The following PACS2 variants were observed in gnomAD, a reference collection of about 807,000 sequenced individuals.
PACS2 encodes the protein PACS1-like protein.
In PACS2, 36 loss-of-function variants were observed where a neutral mutation model predicts 113.0. The ratio of observed to expected loss-of-function variants is 0.32; its 90% CI spans 0.24 to 0.42. PACS2 has a LOEUF of 0.42. Among genes scored for constraint, PACS2 ranks in the 10% least tolerant of loss-of-function variants. PACS2 has a pLI of 1.00. For missense variants in PACS2, 1,015 were observed against 1,239.5 expected, an observed-to-expected ratio of 0.82 and a Z score of 2.72; for synonymous variants, 589 against 536.1, an observed-to-expected ratio of 1.10 and a Z score of -1.36.
At chr14:105,347,898 C>T (rs2060002425) in intron 1 of PACS2, among the ~76,000 whole-genome samples, 1 of 152,026 alleles carries the variant, frequency 6.6e-6, no homozygotes, top group African/African-American at 2.4e-5. Context: ...GGTCTACACC[C>T]CTCCACTCCT....
Position 105,379,755 on chromosome 14 carries a change from C to T in PACS2, c.976C>T (p.Leu326=), listed in dbSNP as rs2080913616. The stretch of plus-strand genomic sequence containing the variant: ...CTGAGCCAGGCCATACTTTGAAGGC[C>T]TGTCGCACTCGAGCTCGCAGACGGA... The part of the protein sequence containing the change: ...KPKLRPYFEG[L]SHSSSQTEIG... The change falls in exon 10 of 25, where the codon CTG becomes TTG. Residue 326 remains leucine (L), a synonymous_variant. Transcript: ENST00000447393. The T allele has an allele frequency of 6.2e-7, 1 of 1,613,776 alleles. No individual in the cohort carries two copies. The highest frequency in any genetic ancestry group is 2.2e-5 in the East Asian group (1 of 44,876).
rs1188012423 is a variant in PACS2, at chr14:105,354,290, TG to T, written c.298-758del. Among the ~76,000 whole-genome samples the T allele has an allele frequency of 6.6e-6, 1 of 151,992 alleles. No individual in the cohort carries two copies. Among genetic ancestry groups the T allele is most frequent in the African/African-American group, 2.4e-5 (1 of 41,394 alleles). The stretch of plus-strand genomic sequence containing the variant: ...GCTAATTTTTGTATTTTTGTAGAGA[TG>T]GGGTTTTGCCATGTTGGCTAGGGTG... On this transcript the variant is annotated intron_variant, in intron 3 of 24. Coordinates refer to ENST00000447393, the MANE Select transcript of PACS2 (RefSeq NM_001100913.3). This position sits in a 1 kb window ranked among gnomAD's most constrained non-coding sequence, Gnocchi z 4.2.
chr14:105,351,176 G>C (rs1347654481), intron 2 of PACS2, among the ~76,000 whole-genome samples: 1 of 152,246 alleles, frequency 6.6e-6, no homozygotes, highest in Admixed American at 6.5e-5. Context: ...ACCCCGCAGC[G>C]GCTGCTTGTT....
chr14:105,393,440 C>T (rs587696649), intron 24 of PACS2, 105 bp downstream of exon 24: 28 of 671,594 alleles, frequency 4.2e-5, no homozygotes, highest in Admixed American at 2.3e-4. Flanking sequence ...CGCTGTGACA[C>T]GCACATTCCA....
Position 105,355,925 on chromosome 14 carries a change from G to C in PACS2, c.423+748G>C, listed in dbSNP as rs2060426421. On this transcript the variant is annotated intron_variant, in intron 4 of 24. Transcript: ENST00000447393. The surrounding 1 kb of genome is among the most constrained non-coding windows in gnomAD (Gnocchi z 4.1). The stretch of plus-strand genomic sequence containing the variant: ...AGACCAGTTTGTCTCTTTTGCTTCA[G>C]AACTTTCCCCATCGTGGGGTTGTGT... Among the ~76,000 whole-genome samples the C allele has an allele frequency of 6.6e-6, 1 of 152,202 alleles. No individual in the cohort carries two copies. The highest frequency in any genetic ancestry group is 2.4e-5 in the African/African-American group (1 of 41,454).
At chr14:105,393,085 C>T (rs1391366976) in intron 23 of PACS2, 137 bp from the exon 24 acceptor site, 10 of 743,102 alleles carry the variant, frequency 1.3e-5, no homozygotes, top group East Asian at 5.3e-5. Context: ...CCTCAGTCAC[C>T]GTGGAAGGCA....
upstream of PACS2, among the ~76,000 whole-genome samples, chr14:105,313,290 C>T (rs1199718905): frequency 6.6e-6 from 1 of 152,218 alleles, no homozygotes; most frequent in Non-Finnish European, 1.5e-5. Flanking sequence ...CCATCACAGA[C>T]AGCCTGTCCT....
intron 19 of PACS2, chr14:105,389,725 CCAGCATGT>C (rs1470958487): frequency 2.6e-5 from 15 of 579,406 alleles, no homozygotes; most frequent in African/African-American, 1.1e-4. Context: ...CTTTGTCCTT[CCAGCATGT>C]CAGCATGTCA....
chr14:105,338,118 C>T (rs1320096345), intron 1 of PACS2, among the ~76,000 whole-genome samples: 1 of 152,206 alleles, frequency 6.6e-6, no homozygotes, highest in Non-Finnish European at 1.5e-5. Context: ...CTGGCGCTGG[C>T]CCGGTTTCCT....
In PACS2 at chr14:105,330,641, C is replaced by T. The variant is rs920536582; in HGVS notation, c.119+15604C>T. 1.5e-4 allele frequency among the ~76,000 whole-genome samples: 23 copies of T among 152,244 alleles called. No homozygotes were observed. Among genetic ancestry groups the T allele is most frequent in the African/African-American group, 2.2e-4 (9 of 41,458 alleles). On this transcript the variant is annotated intron_variant, in intron 1 of 24. Transcript: ENST00000447393. This position sits in a 1 kb window ranked among gnomAD's most constrained non-coding sequence, Gnocchi z 6.9. ...GCATGACCCCTCGCCCCTGTCTCCA[C>T]GGAGCACCGTGGGACTCTGGCATCA...
Position 105,397,030 on chromosome 14 carries a change from C to T in PACS2, c.*2358C>T, listed in dbSNP as rs2081548610. 1 of 152,268 alleles carries T rather than the reference C, an allele frequency of 6.6e-6. No individual in the cohort carries two copies. Among genetic ancestry groups the T allele is most frequent in the Admixed American group, 6.5e-5 (1 of 15,282 alleles). 9.4% of individuals were successfully genotyped at this position (152,268 alleles called of 1,614,324 possible). ...TAGCCACGCAAGGGGAGAACATGGGCAGAGTCTCCATCCAGCAGCTGGGGG... is the reference window on the plus strand; with the variant it reads ...TAGCCACGCAAGGGGAGAACATGGGTAGAGTCTCCATCCAGCAGCTGGGGG... On this transcript the variant is annotated 3_prime_UTR_variant, in exon 25 of 25. Coordinates refer to ENST00000447393, the MANE Select transcript of PACS2 (RefSeq NM_001100913.3).
rs782613727 is a variant in PACS2, at chr14:105,382,539, C to G, written c.1476C>G (p.Pro492=). Residue 492 remains proline, a synonymous_variant, in exon 14 of 25, where the codon CCC becomes CCG. Transcript: ENST00000447393. ...NHILISDDQL[P]ENIILVNTSD... ...TCCTCATCTCCGATGACCAGCTTCC[C>G]GAAAACATCATCCTTGTCAACACCT... The G allele has an allele frequency of 3.7e-6, 6 of 1,613,032 alleles. No homozygotes were observed. The highest frequency in any genetic ancestry group is 4.5e-5 in the East Asian group (2 of 44,894).
At chr14:105,312,209 A>G (rs2058367528), upstream of PACS2, among the ~76,000 whole-genome samples, 1 of 152,236 alleles carries the variant, frequency 6.6e-6, no homozygotes, top group African/African-American at 2.4e-5. Context: ...GGACCTAGCG[A>G]AGCCAGGCGG....
At position 105,382,848 on chromosome 14, in the gene PACS2, G is replaced by A. The variant is rs782725426; in HGVS notation, c.1560G>A (p.Val520=). The part of the protein sequence containing the change: ...DVLQRHTLPV[V]CTCSPADVQA... Reference sequence around the variant, plus strand: ...TGCAGAGGCACACGCTCCCCGTGGTGTGCACGTGCTCTCCTGCGGACGTCC... The same window carrying A: ...TGCAGAGGCACACGCTCCCCGTGGTATGCACGTGCTCTCCTGCGGACGTCC... The change falls in exon 15 of 25, where the codon GTG becomes GTA. Residue 520 remains valine, a synonymous_variant. Coordinates refer to ENST00000447393, the MANE Select transcript of PACS2 (RefSeq NM_001100913.3). The A allele has an allele frequency of 1.6e-5, 26 of 1,607,632 alleles. No homozygotes were observed. Among genetic ancestry groups the A allele is most frequent in the Non-Finnish European group, 2.2e-5 (26 of 1,179,502 alleles).
chr14:105,312,096 G>A (rs778263963), upstream of PACS2, among the ~76,000 whole-genome samples: 7 of 152,244 alleles, frequency 4.6e-5, no homozygotes, highest in Non-Finnish European at 8.8e-5. Flanking sequence ...CCTGCTGTGT[G>A]TCTGTGTCAT....
At chr14:105,349,723 A>C (rs2060082900) in intron 2 of PACS2, among the ~76,000 whole-genome samples, 1 of 152,286 alleles carries the variant, frequency 6.6e-6, no homozygotes, top group Non-Finnish European at 1.5e-5. Context: ...GTGGATTAGC[A>C]GCAGCCTACA....
intron 1 of PACS2, among the ~76,000 whole-genome samples, chr14:105,337,380 A>G (rs2059568718): frequency 6.6e-6 from 1 of 152,252 alleles, no homozygotes; most frequent in African/African-American, 2.4e-5. Context: ...GCACAACAGC[A>G]TCCACGCACG....
chr14:105,376,996 G>C lies in PACS2; in HGVS notation c.959+71G>C. On this transcript the variant is annotated intron_variant, in intron 9 of 24. Transcript: ENST00000447393. This position sits in a 1 kb window ranked among gnomAD's most constrained non-coding sequence, Gnocchi z 4.7. The stretch of plus-strand genomic sequence containing the variant: ...CCCCGGCCACTCTGCGACCACTCTG[G>C]CAGACCCATGTCCAGCCCTGGAGAC... The C allele has an allele frequency of 6.8e-7, 1 of 1,466,268 alleles. No individual in the cohort carries two copies. The highest frequency in any genetic ancestry group is 9.2e-7 in the Non-Finnish European group (1 of 1,086,228). 90.8% of individuals were successfully genotyped at this position (1,466,268 alleles called of 1,614,324 possible).
chr14:105,352,477 TC>T lies in PACS2; in HGVS notation c.297+11del. On this transcript the variant is annotated intron_variant, in intron 3 of 24. Coordinates refer to ENST00000447393, the MANE Select transcript of PACS2 (RefSeq NM_001100913.3). The stretch of plus-strand genomic sequence containing the variant: ...GACCTTCTCCTTGCAGGTGAGTCTT[TC>T]ACCAGTGGTGACGACACCCTCATCA... The T allele has an allele frequency of 6.4e-7, 1 of 1,562,370 alleles. No homozygotes were observed. The highest frequency in any genetic ancestry group is 8.8e-7 in the Non-Finnish European group (1 of 1,133,806).
Sources: allele counts gnomAD v4.1 joint callset (sites outside exome capture counted in the v4.1 genomes callset), GRCh38; gene constraint gnomAD v4.1.1; non-coding constraint Gnocchi (gnomAD v3.1); transcripts MANE v1.5; gene names NCBI Gene and HGNC (gene_info 2026-07-23, HGNC 2026-07-21).